The following SETBP1 variants were observed in gnomAD, a reference collection of about 807,000 sequenced individuals.
The protein encoded by SETBP1 is SET binding protein 1.
SETBP1 carries 9 observed loss-of-function variants against 101.0 expected under a neutral mutation model. The ratio of observed to expected loss-of-function variants is 0.09; its 90% CI spans 0.05 to 0.16. The LOEUF (loss-of-function observed/expected upper bound fraction) is 0.16. Among genes scored for constraint, SETBP1 ranks in the 10% least tolerant of loss-of-function variants. SETBP1 has a pLI of 1.00. For missense variants in SETBP1, 1,858 were observed against 2,033.8 expected (o/e 0.91, Z 1.66); for synonymous variants, 818 against 788.5 (o/e 1.04, Z -0.63).
intron 2 of SETBP1, among the ~76,000 whole-genome samples, chr18:44,817,561 T>C (rs1001366826): frequency 8.6e-5 from 13 of 151,958 alleles, no homozygotes; most frequent in African/African-American, 3.1e-4. Context: ...GGCAGGCACC[T>C]GTAATCCCAG....
At chr18:44,865,630 A>AT (rs939580519) in intron 2 of SETBP1, among the ~76,000 whole-genome samples, 1 of 152,172 alleles carries the variant, frequency 6.6e-6, no homozygotes, top group African/African-American at 2.4e-5. Context: ...ATGGGAAATA[A>AT]TCTGCTTTGA....
intron 2 of SETBP1, among the ~76,000 whole-genome samples, chr18:44,785,914 A>G (rs1430657151): frequency 6.6e-6 from 1 of 152,174 alleles, no homozygotes; most frequent in Admixed American, 6.5e-5. Context: ...AAATCAAAGC[A>G]TTATCTTATG....
At chr18:44,869,586 A>C in intron 3 of SETBP1, 2 of 348,176 alleles carry the variant, frequency 5.7e-6, no homozygotes, top group Non-Finnish European at 5.6e-6. Context: ...GGTTAAACCA[A>C]TGGCGGCAGA....
chr18:44,951,243 C>G lies in SETBP1; in HGVS notation c.1903C>G (p.Leu635Val). The part of the protein sequence containing the change: ...RRRNLAKLAQ[L>V]VPGEDKPMSE... ...ACGCAATTTAGCGAAGTTGGCCCAG[C>G]TAGTGCCGGGAGAGGACAAACCCAT... Residue 635 changes from leucine (L) to valine (V), a missense_variant, in exon 4 of 6, where the codon CTA becomes GTA. Coordinates refer to ENST00000649279, the MANE Select transcript of SETBP1 (RefSeq NM_015559.3). The surrounding 1 kb of genome is among the most constrained non-coding windows in gnomAD (Gnocchi z 7.8). The G allele has an allele frequency of 6.2e-7, 1 of 1,614,030 alleles. No homozygotes were observed. Among genetic ancestry groups the G allele is most frequent in the Non-Finnish European group, 8.5e-7 (1 of 1,180,040 alleles).
rs555038190 is a variant in SETBP1 at position 45,058,256 on chromosome 18, A to C, written c.4172-4823A>C. Among the ~76,000 whole-genome samples, 3 of 152,354 alleles carry C rather than the reference A, an allele frequency of 2.0e-5. No individual in the cohort carries two copies. The South Asian group carries it at 6.2e-4, about 32-fold the overall frequency. On this transcript the variant is annotated intron_variant, in intron 5 of 5. Transcript: ENST00000649279. ...AGCAAGAGCCCAGAAATGACTGTCC[A>C]ATAATGAAACAATTTGAAGAGAGAA...
rs2071713711 is a variant in SETBP1, at chr18:44,966,008, G to A, written c.4000+12668G>A. On this transcript the variant is annotated intron_variant, in intron 4 of 5. Transcript: ENST00000649279. ...ATTTTTCATTTCAGTGATCCTTTGG[G>A]CAATAATCAAACAAAGCTCGATTGC... is the stretch of plus-strand genomic sequence containing the variant. Among the ~76,000 whole-genome samples, 3 of 152,008 alleles carry A rather than the reference G, an allele frequency of 2.0e-5. No homozygotes were observed. In the South Asian group the frequency reaches 6.2e-4, roughly 31 times the overall value.
chr18:45,061,711 C>A (rs578039564), intron 5 of SETBP1, among the ~76,000 whole-genome samples: 1 of 152,312 alleles, frequency 6.6e-6, no homozygotes, highest in Non-Finnish European at 1.5e-5. Context: ...GGAGTACCCA[C>A]AATAAGTGAG....
At chr18:44,786,964 A>C (rs923325936) in intron 2 of SETBP1, among the ~76,000 whole-genome samples, 3 of 152,228 alleles carry the variant, frequency 2.0e-5, no homozygotes, top group African/African-American at 7.2e-5. Context: ...TTTGCTGTCT[A>C]TTTGAAGAGG....
intron 2 of SETBP1, among the ~76,000 whole-genome samples, chr18:44,778,785 T>C (rs560597728): frequency 6.6e-6 from 1 of 152,326 alleles, no homozygotes; most frequent in South Asian, 2.1e-4. Context: ...TTATGGAACT[T>C]GTCATTGTAA....
intron 3 of SETBP1, among the ~76,000 whole-genome samples, chr18:44,917,470 A>G (rs2070456891): frequency 6.6e-6 from 1 of 152,124 alleles, no homozygotes; most frequent in South Asian, 2.1e-4. Flanking sequence ...CAAGGGTTAC[A>G]AAGCTTTAAA....
intron 3 of SETBP1, among the ~76,000 whole-genome samples, chr18:44,932,429 T>C (rs1158370221): frequency 6.6e-6 from 1 of 152,208 alleles, no homozygotes; most frequent in Non-Finnish European, 1.5e-5. Context: ...GGAGTTGCTC[T>C]TCTCGAGGAG....
intron 3 of SETBP1, among the ~76,000 whole-genome samples, chr18:44,883,972 G>T (rs2069586403): frequency 6.6e-6 from 1 of 152,130 alleles, no homozygotes; most frequent in South Asian, 2.1e-4. Context: ...TAAACTAATT[G>T]CTCCCCAAAG....
intron 4 of SETBP1, among the ~76,000 whole-genome samples, chr18:45,008,618 T>G (rs1259031236): frequency 6.6e-6 from 1 of 152,174 alleles, no homozygotes; most frequent in Non-Finnish European, 1.5e-5. Context: ...TCAGGCAAAA[T>G]AGTTCAGATA....
chr18:44,949,051 C>T (rs1037716172), intron 3 of SETBP1, among the ~76,000 whole-genome samples: 2 of 152,108 alleles, frequency 1.3e-5, no homozygotes, highest in African/African-American at 4.8e-5. Context: ...CCAAGAGTTT[C>T]CTCAAGAAAG....
At chr18:44,710,462 T>TC (rs2069313662) in intron 2 of SETBP1, among the ~76,000 whole-genome samples, 1 of 150,396 alleles carries the variant, frequency 6.6e-6, no homozygotes, top group South Asian at 2.1e-4. Context: ...TTTTTTTTTT[T>TC]TTTTTTTGAG....
At chr18:44,961,437 A>C (rs1003798279) in intron 4 of SETBP1, among the ~76,000 whole-genome samples, 1 of 152,186 alleles carries the variant, frequency 6.6e-6, no homozygotes, top group Non-Finnish European at 1.5e-5. Context: ...TTAATGAATA[A>C]GTGGATGATG....
Position 44,953,200 on chromosome 18 carries a change from C to T in SETBP1, c.3860C>T (p.Ser1287Leu), listed in dbSNP as rs771332971. 1.4e-5 allele frequency: 22 copies of T among 1,614,008 alleles called. No homozygotes were observed. The South Asian group carries it at 1.5e-4, about 11-fold the overall frequency. Residue 1287 changes from serine (S) to leucine (L), a missense_variant, in exon 4 of 6, where the codon TCG (serine) becomes TTG (leucine). Ser to Leu is a moderately radical substitution (Grantham distance 145). Transcript: ENST00000649279. Reference protein sequence around the residue: ...NLDVFSEMNPSNDKWDSDVSG... With the variant: ...NLDVFSEMNPLNDKWDSDVSG... ...GACGTGTTCAGTGAAATGAACCCTT[C>T]GAATGACAAGTGGGACAGTGACGTG...
At chr18:44,743,408 C>T (rs965739865) in intron 2 of SETBP1, among the ~76,000 whole-genome samples, 1 of 152,160 alleles carries the variant, frequency 6.6e-6, no homozygotes, top group African/African-American at 2.4e-5. Context: ...CCAGTAGAAG[C>T]AGTTGAGAAT....
intron 3 of SETBP1, among the ~76,000 whole-genome samples, chr18:44,914,418 T>A (rs2070381587): frequency 6.6e-6 from 1 of 152,234 alleles, no homozygotes; most frequent in Non-Finnish European, 1.5e-5. Context: ...CATGTCAACA[T>A]CAAAGATTGA....
Sources: gnomAD v4.1 joint callset for allele counts (sites outside exome capture counted in the v4.1 genomes callset) on GRCh38, gnomAD v4.1.1 for gene constraint, Gnocchi (gnomAD v3.1) non-coding constraint, MANE v1.5 for transcripts, NCBI Gene and HGNC (gene_info 2026-07-23, HGNC 2026-07-21) for gene names.